Variants in DMD observed in about 807,000 individuals in gnomAD.
The protein encoded by DMD is dystrophin.
DMD carries 63 observed loss-of-function variants against 330.1 expected under a neutral mutation model. The observed-to-expected ratio is 0.19, with a 90% CI of 0.16 to 0.24. The LOEUF (loss-of-function observed/expected upper bound fraction) is 0.24. Ranked by LOEUF, DMD falls within the 10% of genes least tolerant of loss-of-function variation. The pLI is 1.00. For missense variants in DMD, 3,344 were observed against 2,684.1 expected, an observed-to-expected ratio of 1.25 and a Z score of -5.43; for synonymous variants, 1,223 against 959.8, an observed-to-expected ratio of 1.27 and a Z score of -5.07.
chrX:32,926,926 A>C (rs1262072550), intron 2 of DMD, among the ~76,000 whole-genome samples: 1 of 111,490 alleles, frequency 9.0e-6, no homozygotes, highest in Non-Finnish European at 1.9e-5. Context: ...ATTTAAATAA[A>C]ATAAAATGGA....
At position 32,472,167 on chromosome X, in the gene DMD, C is replaced by T. The variant is rs770506515; in HGVS notation, c.2946G>A (p.Leu982=). ...YEIMEQRLGE[L]QALQSSLQEQ... ...TGACATTCAAATATTCACAGACCTG[C>T]AATTCCCCGAGTCTCTGCTCCATGA... is the stretch of plus-strand genomic sequence containing the variant. Residue 982 remains leucine, a synonymous_variant, in exon 22 of 79, where the codon TTG becomes TTA. Transcript: ENST00000357033. The T allele has an allele frequency of 5.2e-5, 63 of 1,209,302 alleles. No individual in the cohort carries two copies. Among genetic ancestry groups the T allele is most frequent in the Non-Finnish European group, 5.7e-5 (51 of 894,873 alleles).
intron 60 of DMD, among the ~76,000 whole-genome samples, chrX:31,420,965 T>C (rs773968899): frequency 8.9e-6 from 1 of 112,159 alleles, no homozygotes; most frequent in Non-Finnish European, 1.9e-5. Flanking sequence ...TCCCATCCAG[T>C]GCCACATGAA....
chrX:33,271,457 T>A (rs1473742199), intron 1 of DMD, among the ~76,000 whole-genome samples: 1 of 111,223 alleles, frequency 9.0e-6, no homozygotes, highest in African/African-American at 3.3e-5. Flanking sequence ...GCATTCCATG[T>A]GATGAAACAT....
intron 1 of DMD, among the ~76,000 whole-genome samples, chrX:33,297,481 GTTGA>G (rs1260976504): frequency 9.0e-6 from 1 of 110,731 alleles, no homozygotes; most frequent in Admixed American, 9.7e-5. Flanking sequence ...CAATTTCACT[GTTGA>G]TTATTTACCT....
At chrX:32,756,892 C>T in intron 7 of DMD, among the ~76,000 whole-genome samples, 1 of 111,413 alleles carries the variant, frequency 9.0e-6, no homozygotes, top group South Asian at 3.8e-4. Context: ...AGCAAAGTGC[C>T]CTATATCCCT....
At chrX:32,813,322 G>A (rs750633377) in intron 6 of DMD, among the ~76,000 whole-genome samples, 6 of 111,601 alleles carry the variant, frequency 5.4e-5, no homozygotes, top group Non-Finnish European at 9.4e-5. Context: ...ATGTTAACCT[G>A]GACCATAATT....
Position 32,644,195 on chromosome X carries a change from T to C in DMD, c.1268A>G (p.Gln423Arg). The C allele has an allele frequency of 8.3e-7, 1 of 1,210,686 alleles. No homozygotes were observed. Among genetic ancestry groups the C allele is most frequent in the Non-Finnish European group, 1.1e-6 (1 of 894,545 alleles). ...CCATCTTGAATTTAGGAGATTCATC[T>C]GCTCTTGTACTTCAGTTTCTTCATC... is the stretch of plus-strand genomic sequence containing the variant. ...SEDEETEVQE[Q>R]MNLLNSRWEC... The change falls in exon 11 of 79, where the codon CAG becomes CGG. Residue 423 changes from glutamine (Q) to arginine (R), a missense_variant. Gln to Arg is a conservative substitution (Grantham distance 43). Transcript: ENST00000357033.
chrX:31,812,513 T>C (rs760223247), intron 50 of DMD, among the ~76,000 whole-genome samples: 145 of 109,426 alleles, frequency 1.3e-3, no homozygotes, highest in African/African-American at 4.7e-3. Flanking sequence ...CACATGTATA[T>C]ATATGTAACA....
At chrX:32,949,945 C>T (rs2091121609) in intron 2 of DMD, among the ~76,000 whole-genome samples, 1 of 102,082 alleles carries the variant, frequency 9.8e-6, no homozygotes, top group African/African-American at 3.5e-5. Context: ...AAATAAACAT[C>T]CAGTGTAAAG....
At position 32,653,220 on chromosome X, in the gene DMD, T is replaced by G. The variant is rs2060298141; in HGVS notation, c.961-8068A>C. On this transcript the variant is annotated intron_variant, in intron 9 of 78. Transcript: ENST00000357033. ...GCCATTGCTTTTGGTGTTTTGGACA[T>G]GAAGTCCTTACCCATGCCTATGTCC... Among the ~76,000 whole-genome samples, 2 of 112,247 alleles carry G rather than the reference T, an allele frequency of 1.8e-5. 1 individual carries two copies. Among genetic ancestry groups the G allele is most frequent in the South Asian group, 7.4e-4 (2 of 2,702 alleles).
chrX:31,169,888 T>C (rs1196675571), intron 73 of DMD, among the ~76,000 whole-genome samples: 1 of 111,918 alleles, frequency 8.9e-6, no homozygotes, highest in African/African-American at 3.2e-5. Context: ...GACTCTACGT[T>C]GATGTTAGTC....
At chrX:33,284,224 CT>C (rs2148924351) in intron 1 of DMD, among the ~76,000 whole-genome samples, 1 of 110,638 alleles carries the variant, frequency 9.0e-6, no homozygotes, top group African/African-American at 3.3e-5. Context: ...CTGCGTAAGC[CT>C]TTCTATAGAT....
chrX:32,531,351 C>A (rs909982061), intron 17 of DMD, among the ~76,000 whole-genome samples: 13 of 111,100 alleles, frequency 1.2e-4, no homozygotes, highest in South Asian at 1.1e-3. Context: ...TTTTCCTTCC[C>A]AAGTTCATTG....
chrX:31,980,964 T>C (rs1455415649), intron 44 of DMD, among the ~76,000 whole-genome samples: 1 of 112,144 alleles, frequency 8.9e-6, no homozygotes, highest in Non-Finnish European at 1.9e-5. Flanking sequence ...ACTTTCTCTC[T>C]CTTACTTCAC....
At chrX:32,333,582 T>A (rs772556839) in intron 41 of DMD, among the ~76,000 whole-genome samples, 24 of 111,491 alleles carry the variant, frequency 2.2e-4, no homozygotes, top group African/African-American at 6.5e-4. Context: ...TTCTTTTTTT[T>A]AATAATCTTT....
At chrX:32,466,038 T>A (rs1462498464) in intron 23 of DMD, among the ~76,000 whole-genome samples, 2 of 111,324 alleles carry the variant, frequency 1.8e-5, no homozygotes, top group Admixed American at 1.9e-4. Flanking sequence ...ACAAGTGGAA[T>A]CATATTATTT....
intron 44 of DMD, among the ~76,000 whole-genome samples, chrX:32,181,003 C>T (rs1047467799): frequency 8.1e-5 from 9 of 111,499 alleles, no homozygotes; most frequent in African/African-American, 2.3e-4. Context: ...TTCTCCATCC[C>T]CACAATGTGT....
intron 7 of DMD, among the ~76,000 whole-genome samples, chrX:32,749,060 G>A (rs984640058): frequency 8.1e-5 from 9 of 111,801 alleles, no homozygotes; most frequent in African/African-American, 2.9e-4. Context: ...AGCCAATGTG[G>A]GGAGGAAATG....
intron 11 of DMD, among the ~76,000 whole-genome samples, chrX:32,625,047 T>G (rs2058256178): frequency 8.9e-6 from 1 of 111,983 alleles, no homozygotes; most frequent in Admixed American, 9.4e-5. Flanking sequence ...GGCACATGCC[T>G]GTAGTCCCAG....
Sources: gnomAD v4.1 joint callset for allele counts (sites outside exome capture counted in the v4.1 genomes callset) on GRCh38, gnomAD v4.1.1 for gene constraint, MANE v1.5 for transcripts, NCBI Gene and HGNC (gene_info 2026-07-23, HGNC 2026-07-21) for gene names.